The following FRMD4A variants were observed in gnomAD, a reference collection of about 807,000 sequenced individuals.
FRMD4A encodes FERM domain containing 4A.
In FRMD4A, 29 loss-of-function variants were observed where a neutral mutation model predicts 129.1. The observed-to-expected ratio is 0.22, with a 90% CI of 0.17 to 0.31. The LOEUF (loss-of-function observed/expected upper bound fraction) is 0.31. FRMD4A is among the 10% of genes least tolerant of loss of function. The pLI, the probability that FRMD4A is intolerant of heterozygous loss-of-function variation, is 1.00. For synonymous variants in FRMD4A, 634 were observed against 571.6 expected (o/e 1.11, Z -1.56); for missense variants, 1,272 against 1,375.8 (o/e 0.92, Z 1.19).
chr10:13,957,608 G>A (rs542664074), intron 2 of FRMD4A, among the ~76,000 whole-genome samples: 4 of 152,162 alleles, frequency 2.6e-5, no homozygotes, highest in Non-Finnish European at 4.4e-5. Flanking sequence ...AGAGAAAAAG[G>A]AGGAAGAGTA....
chr10:13,912,826 C>A (rs941718744), intron 2 of FRMD4A, among the ~76,000 whole-genome samples: 4 of 152,022 alleles, frequency 2.6e-5, no homozygotes, highest in African/African-American at 7.2e-5. Context: ...GTAATCCCAG[C>A]AGTTTGGGAG....
chr10:13,864,638 C>T (rs1230296026), intron 2 of FRMD4A, among the ~76,000 whole-genome samples: 5 of 149,476 alleles, frequency 3.3e-5, no homozygotes, highest in Admixed American at 6.7e-5. Context: ...TGAAGTGGCA[C>T]GATCATGGCT....
intron 5 of FRMD4A, among the ~76,000 whole-genome samples, chr10:13,789,804 T>TGTGTGTGTGTG (rs1554898662): frequency 5.7e-4 from 59 of 104,168 alleles, no homozygotes; most frequent in Admixed American, 2.0e-3. Flanking sequence ...TGTGTGTGTG[T>TGTGTGTGTGTG]TGTGTGGTGA....
intron 2 of FRMD4A, among the ~76,000 whole-genome samples, chr10:13,916,551 A>G (rs1376218182): frequency 2.0e-5 from 3 of 152,230 alleles, no homozygotes; most frequent in East Asian, 3.8e-4. Flanking sequence ...AGTTCAGAGC[A>G]GGTGTTATAC....
chr10:14,318,257 C>A (rs1006311273), intron 2 of FRMD4A, among the ~76,000 whole-genome samples: 5 of 151,688 alleles, frequency 3.3e-5, no homozygotes, highest in African/African-American at 4.8e-5. Context: ...CATTATGGCT[C>A]AATTACATTC....
chr10:14,061,359 G>A (rs969744385), intron 2 of FRMD4A, among the ~76,000 whole-genome samples: 4 of 152,260 alleles, frequency 2.6e-5, no homozygotes, highest in Admixed American at 6.5e-5. Context: ...GGCAGAGGCA[G>A]GAGAATCACT....
chr10:13,870,058 TC>T (rs1397435174), intron 2 of FRMD4A, among the ~76,000 whole-genome samples: 3 of 152,098 alleles, frequency 2.0e-5, no homozygotes, highest in Non-Finnish European at 4.4e-5. Flanking sequence ...TAGAGCCTAA[TC>T]CTTACAAAGG....
chr10:14,028,551 C>T (rs929577338), intron 2 of FRMD4A, among the ~76,000 whole-genome samples: 2 of 152,058 alleles, frequency 1.3e-5, no homozygotes, highest in East Asian at 3.8e-4. Context: ...AAACATATCT[C>T]TTATGAAAAT....
At chr10:14,073,246 C>A (rs1835399995) in intron 2 of FRMD4A, among the ~76,000 whole-genome samples, 1 of 151,892 alleles carries the variant, frequency 6.6e-6, no homozygotes, top group Admixed American at 6.6e-5. Flanking sequence ...AGGCTGGGGG[C>A]AGTAGTGGGA....
intron 3 of FRMD4A, among the ~76,000 whole-genome samples, chr10:13,827,976 C>T (rs555070428): frequency 3.3e-5 from 5 of 152,300 alleles, no homozygotes; most frequent in Non-Finnish European, 2.9e-5. Flanking sequence ...TGCAAGACCC[C>T]GCTCTGTAGC....
intron 12 of FRMD4A, among the ~76,000 whole-genome samples, chr10:13,726,314 T>G (rs1295601958): frequency 3.3e-5 from 5 of 152,048 alleles, no homozygotes; most frequent in African/African-American, 1.2e-4. Context: ...AAAAAGAAAC[T>G]TCTGTTTTGG....
chr10:13,824,894 C>CAAA (rs1165591899), intron 3 of FRMD4A, among the ~76,000 whole-genome samples: 31 of 54,512 alleles, frequency 5.7e-4, no homozygotes, highest in Admixed American at 9.1e-4. Flanking sequence ...GACTCTGTCT[C>CAAA]AAAAAAAAAA....
chr10:13,663,472 A>T lies in FRMD4A; in HGVS notation c.1641T>A (p.Asp547Glu), dbSNP rs769104029. The T allele has an allele frequency of 6.4e-7, 1 of 1,557,502 alleles. No individual in the cohort carries two copies. The highest frequency in any genetic ancestry group is 1.7e-4 in the Middle Eastern group (1 of 5,944). Reference protein sequence around the residue: ...NIASEDSSLSDALVLEDEDSQ... With the variant: ...NIASEDSSLSEALVLEDEDSQ... ...ACCTACCATCCTCAAGAACAAGGGC[A>T]TCTGAGAGGGAGCTGTCTTCACTGG... The change falls in exon 19 of 25, where the codon GAT becomes GAA. Residue 547 changes from aspartate (D) to glutamate (E), a missense_variant. Physicochemically the swap from Asp to Glu is conservative, Grantham distance 45. Around this residue, in one of 2 missense-constraint regions of FRMD4A, gnomAD observed 972 missense variants for 892.3 expected, o/e 1.09. Coordinates refer to ENST00000357447, the MANE Select transcript of FRMD4A (RefSeq NM_018027.5).
intron 3 of FRMD4A, among the ~76,000 whole-genome samples, chr10:13,844,853 A>G (rs1407827131): frequency 6.6e-6 from 1 of 152,196 alleles, no homozygotes; most frequent in Non-Finnish European, 1.5e-5. Context: ...ACAAAATCAC[A>G]CACTGCAGTC....
intron 12 of FRMD4A, among the ~76,000 whole-genome samples, chr10:13,732,934 G>C (rs2090410180): frequency 6.6e-6 from 1 of 152,232 alleles, no homozygotes; most frequent in East Asian, 1.9e-4. Flanking sequence ...CAGAATCCCT[G>C]TGGGGCTTCT....
intron 2 of FRMD4A, among the ~76,000 whole-genome samples, chr10:14,002,775 G>T (rs1238925201): frequency 1.3e-5 from 2 of 152,152 alleles, no homozygotes; most frequent in African/African-American, 2.4e-5. Flanking sequence ...GGGATGGGGT[G>T]CCTGGAAGAG....
At chr10:13,651,140 A>ATTAGGTTC (rs1589193154) in intron 24 of FRMD4A, 1 of 152,264 alleles carries the variant, frequency 6.6e-6, no homozygotes, top group Non-Finnish European at 1.5e-5. Context: ...TTAAATGCAC[A>ATTAGGTTC]TTAGGTTCAG....
intron 2 of FRMD4A, among the ~76,000 whole-genome samples, chr10:13,974,014 C>T (rs545020370): frequency 7.9e-4 from 113 of 143,018 alleles, no homozygotes; most frequent in African/African-American, 2.7e-3. Context: ...TGGATAGGGA[C>T]AGTTCTTTTT....
intron 2 of FRMD4A, among the ~76,000 whole-genome samples, chr10:14,121,353 G>A (rs1028358678): frequency 4.6e-5 from 7 of 152,210 alleles, no homozygotes; most frequent in Non-Finnish European, 1.0e-4. Context: ...GGGCAGCAGA[G>A]TGAGACTCTG....
Sources: gnomAD v4.1 joint callset for allele counts (sites outside exome capture counted in the v4.1 genomes callset) on GRCh38, gnomAD v4.1.1 for gene constraint, gnomAD v4.1.1 regional missense constraint, MANE v1.5 for transcripts, NCBI Gene and HGNC (gene_info 2026-07-23, HGNC 2026-07-21) for gene names.